Variants in ZP3 observed in about 807,000 individuals in gnomAD.
ZP3 encodes the protein zona pellucida sperm-binding protein 3.
Under a neutral mutation model 35.6 loss-of-function variants are expected in ZP3, and 21 were observed. The ratio of observed to expected loss-of-function variants is 0.59; its 90% CI spans 0.42 to 0.85. ZP3 has a LOEUF of 0.85. Among genes scored for constraint, ZP3 ranks in the 40% least tolerant of loss-of-function variants. ZP3 has a pLI of 0.00. For missense variants in ZP3, 437 were observed against 536.5 expected, an observed-to-expected ratio of 0.81 and a Z score of 1.83; for synonymous variants, 207 against 214.5, an observed-to-expected ratio of 0.96 and a Z score of 0.31.
At chr7:76,398,888 G>A (rs1020467988) in intron 1 of ZP3, 18 of 1,334,214 alleles carry the variant, frequency 1.3e-5, no homozygotes, top group Non-Finnish European at 1.7e-5. Context: ...GGACCCATAA[G>A]GTGCTTGCCG....
intron 1 of ZP3, among the ~76,000 whole-genome samples, chr7:76,416,205 A>G (rs964754976): frequency 2.6e-5 from 4 of 151,956 alleles, no homozygotes; most frequent in African/African-American, 9.7e-5. Flanking sequence ...AGGCAGGAGG[A>G]TAGCTTGAGC....
chr7:76,431,674 C>T (rs144977772), intron 2 of ZP3, among the ~76,000 whole-genome samples: 11,577 of 152,058 alleles, frequency 0.076, 802 homozygotes, highest in African/African-American at 0.17. Flanking sequence ...CCGAGGCGGG[C>T]GGATCATGAG....
At chr7:76,404,402 A>G (rs376199686) in intron 1 of ZP3, 1 of 1,614,080 alleles carries the variant, frequency 6.2e-7, no homozygotes. Context: ...CTTCTCATCC[A>G]GCTGGGGACC....
At chr7:76,400,660 G>T in intron 1 of ZP3, 1 of 1,373,918 alleles carries the variant, frequency 7.3e-7, no homozygotes, top group Non-Finnish European at 9.6e-7. Context: ...ACTCCAGGAT[G>T]TCCTTTTATT....
At chr7:76,436,825 CAG>C (rs1806029471) in intron 5 of ZP3, among the ~76,000 whole-genome samples, 2 of 152,228 alleles carry the variant, frequency 1.3e-5, no homozygotes. Context: ...GAAGTTTTCA[CAG>C]AGGTGGTAGC....
chr7:76,400,621 G>T lies in ZP3; in HGVS notation c.-67+2824G>T, dbSNP rs73361552. 0.011 allele frequency: 15,014 copies of T among 1,429,082 alleles called. 952 individuals are homozygous for T. The African/African-American group carries it at 0.17, about 16-fold the overall frequency. The allele number at this position is 1,429,082 out of a possible 1,614,324, so 88.5% of individuals were successfully genotyped here. On this transcript the variant is annotated intron_variant, in intron 1 of 8. Coordinates refer to the ZP3 transcript ENST00000336517. ...GAAGAGGGTGGAGCTGGCACCAGGG[G>T]GTCACTGAGTCCAACCTCCAGCATG...
At chr7:76,433,856 G>T in intron 4 of ZP3, 182 bp from the exon 5 acceptor site, 1 of 1,148,398 alleles carries the variant, frequency 8.7e-7, no homozygotes, top group East Asian at 2.5e-5. Context: ...CCATCACCAT[G>T]CCTGGCTAAT....
intron 3 of ZP3, 94 bp downstream of exon 3, chr7:76,433,124 T>TTTGTTTGGTTTTGGTTGGTTTTGG: frequency 1.5e-6 from 1 of 672,478 alleles, no homozygotes; most frequent in East Asian, 2.8e-5. Flanking sequence ...TTTGTTTGGT[T>TTTGTTTGGTTTTGGTTGGTTTTGG]TTGGTTTTGG....
At chr7:76,416,867 C>CATATATACACACATATATATACAT (rs1212601185) in intron 1 of ZP3, among the ~76,000 whole-genome samples, 25 of 142,774 alleles carry the variant, frequency 1.8e-4, no homozygotes, top group African/African-American at 5.7e-4. Context: ...TATATATACA[C>CATATATACACACATATATATACAT]ACATATATAC....
At chr7:76,412,507 C>T (rs977325109) in intron 1 of ZP3, among the ~76,000 whole-genome samples, 45 of 152,296 alleles carry the variant, frequency 3.0e-4, no homozygotes, top group African/African-American at 1.0e-3. Context: ...ACTATACACA[C>T]ACCTTGTATC....
At chr7:76,423,744 C>T (rs1805577261), upstream of ZP3, among the ~76,000 whole-genome samples, 1 of 151,950 alleles carries the variant, frequency 6.6e-6, no homozygotes, top group Non-Finnish European at 1.5e-5. Flanking sequence ...AGCCTGTAAT[C>T]CCAGTTACTC....
At chr7:76,422,552 G>T (rs959153851), upstream of ZP3, among the ~76,000 whole-genome samples, 2 of 151,712 alleles carry the variant, frequency 1.3e-5, no homozygotes, top group African/African-American at 4.8e-5. Flanking sequence ...GGTGGCAGGC[G>T]CCTGTAATCC....
chr7:76,405,192 C>T (rs1804959172), intron 1 of ZP3, among the ~76,000 whole-genome samples: 1 of 136,066 alleles, frequency 7.3e-6, no homozygotes, highest in Non-Finnish European at 1.6e-5. Context: ...CAACCTCCAT[C>T]TCTCAGGTTC....
At chr7:76,409,413 C>A in intron 1 of ZP3, 1 of 152,462 alleles carries the variant, frequency 6.6e-6, no homozygotes, top group Non-Finnish European at 1.5e-5. Flanking sequence ...AGGATTCATA[C>A]CTGGGGGAAT....
chr7:76,435,432 G>T (rs1805963911), intron 5 of ZP3, among the ~76,000 whole-genome samples: 1 of 152,258 alleles, frequency 6.6e-6, no homozygotes, highest in Non-Finnish European at 1.5e-5. Flanking sequence ...TGGAATTACA[G>T]GCGTGAGCCA....
intron 2 of ZP3, among the ~76,000 whole-genome samples, chr7:76,432,019 CTTTTGGT>C (rs1805841184): frequency 6.8e-6 from 1 of 146,074 alleles, no homozygotes; most frequent in Admixed American, 6.9e-5. Flanking sequence ...TGTGTGGTGG[CTTTTGGT>C]TTTTTGTTTA....
chr7:76,423,067 G>GAAAGAAAGAAACAAACAAAGAAAGAAAC (rs1554624529), upstream of ZP3, among the ~76,000 whole-genome samples: 2 of 143,384 alleles, frequency 1.4e-5, no homozygotes, highest in South Asian at 4.5e-4. Context: ...AAGAAAGAAA[G>GAAAGAAAGAAACAAACAAAGAAAGAAAC]AAAGAAAGAA....
intron 5 of ZP3, among the ~76,000 whole-genome samples, chr7:76,438,538 G>GAAAAAAAAAAA (rs71085417): frequency 3.4e-5 from 3 of 88,554 alleles, no homozygotes; most frequent in East Asian, 7.3e-4. Context: ...CTCCGTCTCA[G>GAAAAAAAAAAA]AAAAAAAAAA....
intron 2 of ZP3, among the ~76,000 whole-genome samples, chr7:76,429,941 G>A (rs1371004335): frequency 1.3e-5 from 2 of 152,044 alleles, no homozygotes; most frequent in Non-Finnish European, 2.9e-5. Flanking sequence ...TGCTAGGCTG[G>A]GGCCAGGTGC....
Sources: allele counts gnomAD v4.1 joint callset (sites outside exome capture counted in the v4.1 genomes callset), GRCh38; gene constraint gnomAD v4.1.1; transcripts MANE v1.5; gene names NCBI Gene and HGNC (gene_info 2026-07-23, HGNC 2026-07-21).